TSPEAR: variants seen among roughly 807,000 people sequenced by gnomAD.
The protein encoded by TSPEAR is thrombospondin-type laminin G domain and EAR repeat-containing protein.
TSPEAR carries 69 observed loss-of-function variants against 71.6 expected under a neutral mutation model. The ratio of observed to expected loss-of-function variants is 0.96; its 90% CI spans 0.79 to 1.18. The LOEUF is 1.18. Among genes scored for constraint, TSPEAR ranks in the 50% most tolerant of loss-of-function variants. The pLI is 0.00. For missense variants in TSPEAR, 971 were observed against 894.9 expected (o/e 1.09, Z -1.09); for synonymous variants, 402 against 387.2 (o/e 1.04, Z -0.45).
rs371442511 is a variant in TSPEAR, at chr21:44,663,660, T to C, written c.82+47773A>G. ...CAAAAGTATTATAGTACATAGTATA[T>C]AGAAAACTATATACTATTAATAATA... is the stretch of plus-strand genomic sequence containing the variant. On this transcript the variant is annotated intron_variant, in intron 1 of 11. Coordinates refer to ENST00000323084, the MANE Select transcript of TSPEAR (RefSeq NM_144991.3). Among the ~76,000 whole-genome samples the C allele has an allele frequency of 2.2e-4, 34 of 152,172 alleles. No homozygotes were observed. The East Asian group carries it at 4.4e-3, about 20-fold the overall frequency.
At chr21:44,673,680 G>C (rs1367347793) in intron 1 of TSPEAR, among the ~76,000 whole-genome samples, 3 of 152,056 alleles carry the variant, frequency 2.0e-5, no homozygotes, top group Admixed American at 2.0e-4. Context: ...TAAGCACATG[G>C]AACATTATTC....
chr21:44,699,026 C>G (rs185428045), intron 1 of TSPEAR, among the ~76,000 whole-genome samples: 1 of 152,068 alleles, frequency 6.6e-6, no homozygotes, highest in Non-Finnish European at 1.5e-5. Context: ...CATAGTGAGA[C>G]CTTGTCTCTA....
intron 1 of TSPEAR, chr21:44,592,028 G>A: frequency 3.1e-6 from 5 of 1,602,590 alleles, no homozygotes; most frequent in Middle Eastern, 3.3e-4. Flanking sequence ...CAGCAGGCCT[G>A]CTGGCAGGGG....
chr21:44,652,402 G>A (rs1984862612), intron 1 of TSPEAR, among the ~76,000 whole-genome samples: 1 of 152,190 alleles, frequency 6.6e-6, no homozygotes, highest in African/African-American at 2.4e-5. Flanking sequence ...CCCGGTACCA[G>A]CACAGGCCAC....
At chr21:44,627,959 G>A (rs782617113) in intron 1 of TSPEAR, 27 of 1,517,002 alleles carry the variant, frequency 1.8e-5, no homozygotes, top group African/African-American at 4.1e-5. Flanking sequence ...AGCTATTGCC[G>A]CCAGGCCTCC....
rs1189806698 is a variant in TSPEAR, at chr21:44,509,223, T to C, written c.1730A>G (p.Lys577Arg). 1 of 1,613,990 alleles carries C rather than the reference T, an allele frequency of 6.2e-7. No individual in the cohort carries two copies. The highest frequency in any genetic ancestry group is 2.2e-5 in the East Asian group (1 of 44,866). Residue 577 changes from lysine (K) to arginine (R), a missense_variant, in exon 10 of 12, where the codon AAG becomes AGG. By Grantham distance (26) the Lys-to-Arg change is conservative. Transcript: ENST00000323084. ...CCTGCAGGTGAGAATGTCCTGGAAC[T>C]TGACAAAGGCCTGCGCGGTCACGTT... ...ELNVTAQAFV[K>R]FQDILTCSAL...
chr21:44,561,844 G>A (rs376539878), intron 2 of TSPEAR, among the ~76,000 whole-genome samples: 1 of 152,058 alleles, frequency 6.6e-6, no homozygotes, highest in African/African-American at 2.4e-5. Context: ...AATAATAAGA[G>A]GTATTTATGA....
intron 8 of TSPEAR, among the ~76,000 whole-genome samples, chr21:44,524,108 T>TC (rs1569163392): frequency 6.7e-6 from 1 of 149,308 alleles, no homozygotes; most frequent in African/African-American, 2.5e-5. Context: ...GGTAGTCAGG[T>TC]AGTCAGTCAG....
At chr21:44,665,345 G>T (rs1269609527) in intron 1 of TSPEAR, among the ~76,000 whole-genome samples, 1 of 152,198 alleles carries the variant, frequency 6.6e-6, no homozygotes, top group Non-Finnish European at 1.5e-5. Context: ...CAGACTCCTG[G>T]GGCAAGAGGG....
intron 1 of TSPEAR, among the ~76,000 whole-genome samples, chr21:44,626,598 G>A (rs1340171637): frequency 8.5e-5 from 13 of 152,216 alleles, no homozygotes; most frequent in Non-Finnish European, 2.9e-5. Flanking sequence ...AGGACAGGGT[G>A]GGCAATGAAC....
chr21:44,603,258 C>T (rs1981095419), intron 1 of TSPEAR, among the ~76,000 whole-genome samples: 1 of 152,168 alleles, frequency 6.6e-6, no homozygotes, highest in South Asian at 2.1e-4. Flanking sequence ...TCTGCCCCTA[C>T]CCCGGCCCCT....
chr21:44,509,011 TCCCCAGGCCAGGAAAGTCCCCAGG>T (rs1441218956), intron 10 of TSPEAR, 164 bp downstream of exon 10: 1 of 1,491,576 alleles, frequency 6.7e-7, no homozygotes, highest in Admixed American at 2.0e-5. Context: ...GGCACTGACT[TCCCCAGGCCAGGAAAGTCCCCAGG>T]CCATTCTTTC....
chr21:44,647,074 C>T (rs1203284821), intron 1 of TSPEAR: 2 of 1,613,418 alleles, frequency 1.2e-6, no homozygotes, highest in Non-Finnish European at 1.7e-6. Flanking sequence ...CTGCTGTGTG[C>T]CTGTCTGCTC....
At position 44,589,063 on chromosome 21, in the gene TSPEAR, A is replaced by G. The variant is rs587675228; in HGVS notation, c.83-21058T>C. Among the ~76,000 whole-genome samples the G allele has an allele frequency of 8.0e-3, 1,215 of 152,260 alleles. 15 individuals carry two copies. The highest frequency in any genetic ancestry group is 0.02 in the Middle Eastern group (6 of 294). Reference sequence around the variant, plus strand: ...AATAGGGTGCAGTGTATACTGCTCGAATGATGGGTGCACCAAAATCTCACA... The same window carrying G: ...AATAGGGTGCAGTGTATACTGCTCGGATGATGGGTGCACCAAAATCTCACA... On this transcript the variant is annotated intron_variant, in intron 1 of 11. Coordinates refer to ENST00000323084, the MANE Select transcript of TSPEAR (RefSeq NM_144991.3).
chr21:44,529,745 C>A (rs2052928353), intron 5 of TSPEAR, 53 bp downstream of exon 5: 3 of 1,603,314 alleles, frequency 1.9e-6, no homozygotes, highest in African/African-American at 1.3e-5. Context: ...TGGTGTGAGG[C>A]CAGGGCTCTC....
At chr21:44,610,394 G>T (rs587606692) in intron 1 of TSPEAR, among the ~76,000 whole-genome samples, 2 of 152,338 alleles carry the variant, frequency 1.3e-5, no homozygotes, top group African/African-American at 4.8e-5. Flanking sequence ...CTCAGACTGT[G>T]GCTTCAGAGG....
intron 1 of TSPEAR, among the ~76,000 whole-genome samples, chr21:44,632,514 C>T (rs1426186899): frequency 6.6e-6 from 1 of 152,230 alleles, no homozygotes; most frequent in Non-Finnish European, 1.5e-5. Context: ...TCAAAGGGCA[C>T]TAGACAATAA....
intron 2 of TSPEAR, chr21:44,558,842 T>C (rs1555920545): frequency 5.5e-6 from 7 of 1,274,274 alleles, no homozygotes; most frequent in African/African-American, 1.5e-5. Context: ...TCTGTGTTGA[T>C]TGTGCTGCCC....
chr21:44,587,955 T>C (rs587739607), intron 1 of TSPEAR, among the ~76,000 whole-genome samples: 1 of 152,376 alleles, frequency 6.6e-6, no homozygotes, highest in East Asian at 1.9e-4. Context: ...CTTCTAGATA[T>C]TGGCTTAGGC....
Sources: allele counts gnomAD v4.1 joint callset (sites outside exome capture counted in the v4.1 genomes callset), GRCh38; gene constraint gnomAD v4.1.1; transcripts MANE v1.5; gene names NCBI Gene and HGNC (gene_info 2026-07-23, HGNC 2026-07-21).